IGSF21: variants seen among roughly 807,000 people sequenced by gnomAD.
IGSF21 encodes the protein immunoglobin superfamily member 21.
In IGSF21, 28 loss-of-function variants were observed where a neutral mutation model predicts 46.8. The ratio of observed to expected loss-of-function variants is 0.60; its 90% confidence interval spans 0.44 to 0.82. IGSF21 has a LOEUF of 0.82. Among genes scored for constraint, IGSF21 ranks in the 40% least tolerant of loss-of-function variants. IGSF21 has a pLI of 0.00. For missense variants in IGSF21, 624 were observed against 665.5 expected, an observed-to-expected ratio of 0.94 and a Z score of 0.69; for synonymous variants, 284 against 273.6, an observed-to-expected ratio of 1.04 and a Z score of -0.38.
At chr1:18,255,001 G>A (rs555407796) in intron 2 of IGSF21, among the ~76,000 whole-genome samples, 1 of 152,322 alleles carries the variant, frequency 6.6e-6, no homozygotes, top group South Asian at 2.1e-4. Context: ...AGTTCACACA[G>A]CCTATCTGCC....
At chr1:18,372,073 C>G (rs979621755) in intron 6 of IGSF21, among the ~76,000 whole-genome samples, 1 of 152,200 alleles carries the variant, frequency 6.6e-6, no homozygotes, top group Non-Finnish European at 1.5e-5. Context: ...CCACCTCAAC[C>G]AAACTCTGCG....
intron 3 of IGSF21, among the ~76,000 whole-genome samples, chr1:18,302,614 T>A (rs2124576766): frequency 6.6e-6 from 1 of 152,264 alleles, no homozygotes; most frequent in South Asian, 2.1e-4. Flanking sequence ...CACACAGGCT[T>A]GCACGGTGTT....
chr1:18,376,702 A>G, intron 7 of IGSF21, 98 bp from the exon 8 acceptor site: 1 of 1,185,368 alleles, frequency 8.4e-7, no homozygotes, highest in East Asian at 2.4e-5. Context: ...GTCGGATGAG[A>G]ATGCTGTGCC....
chr1:18,353,348 G>A (rs2085980511), intron 4 of IGSF21, among the ~76,000 whole-genome samples: 1 of 151,866 alleles, frequency 6.6e-6, no homozygotes, highest in South Asian at 2.1e-4. Context: ...CTTGGGCAGG[G>A]ATTGGAGGGA....
chr1:18,122,614 A>AT (rs1009410880), intron 1 of IGSF21, among the ~76,000 whole-genome samples: 4 of 132,924 alleles, frequency 3.0e-5, no homozygotes, highest in East Asian at 2.3e-4. Context: ...TTGACTGTCG[A>AT]TTTTTTTTCT....
At position 18,335,829 on chromosome 1, in the gene IGSF21, C is replaced by T. The variant is rs900228365; in HGVS notation, c.424+819C>T. The stretch of plus-strand genomic sequence containing the variant: ...GGGGAAATTGAAAACCTCCAAAGGC[C>T]AGACCTCCAGAGGGACATTGATTCC... On this transcript the variant is annotated intron_variant, in intron 4 of 9. Transcript: ENST00000251296. The surrounding 1 kb of genome is among the most constrained non-coding windows in gnomAD (Gnocchi z 4.8). Among the ~76,000 whole-genome samples, 4 of 152,194 alleles carry T rather than the reference C, an allele frequency of 2.6e-5. No homozygotes were observed. Among genetic ancestry groups the T allele is most frequent in the Admixed American group, 6.5e-5 (1 of 15,282 alleles).
chr1:18,282,642 A>G (rs1264503447), intron 2 of IGSF21, among the ~76,000 whole-genome samples: 3 of 149,146 alleles, frequency 2.0e-5, no homozygotes, highest in Non-Finnish European at 4.4e-5. Context: ...ACATACACAC[A>G]CACACACACA....
chr1:18,260,105 A>T (rs756996566), intron 2 of IGSF21, among the ~76,000 whole-genome samples: 1 of 152,230 alleles, frequency 6.6e-6, no homozygotes, highest in Non-Finnish European at 1.5e-5. Context: ...CACTTGGAAT[A>T]TTCTTAACAA....
intron 3 of IGSF21, among the ~76,000 whole-genome samples, chr1:18,315,218 G>C (rs911809373): frequency 1.3e-5 from 2 of 152,232 alleles, no homozygotes; most frequent in Non-Finnish European, 1.5e-5. Flanking sequence ...ATGCAACAGC[G>C]AGCTGAGAGT....
In IGSF21 at chr1:18,315,687, G is replaced by A. The variant is rs569747272; in HGVS notation, c.306-19205G>A. Among the ~76,000 whole-genome samples the A allele has an allele frequency of 5.9e-5, 9 of 151,788 alleles. No homozygotes were observed. In the East Asian group the frequency reaches 1.8e-3, roughly 30 times the overall value. ...ATGGAGAATGGATAGATGATGGATG[G>A]GTAGACAGTGAATGGATGGATGGTG... is the stretch of plus-strand genomic sequence containing the variant. On this transcript the variant is annotated intron_variant, in intron 3 of 9. Transcript: ENST00000251296.
intron 2 of IGSF21, among the ~76,000 whole-genome samples, chr1:18,288,008 C>T (rs2085232363): frequency 6.6e-6 from 1 of 152,132 alleles, no homozygotes; most frequent in Non-Finnish European, 1.5e-5. Flanking sequence ...CGTGAAAATA[C>T]CCCATGAGTG....
At chr1:18,345,599 G>A (rs1373567184) in intron 4 of IGSF21, among the ~76,000 whole-genome samples, 1 of 152,130 alleles carries the variant, frequency 6.6e-6, no homozygotes, top group Non-Finnish European at 1.5e-5. Context: ...GGCCAGGCTG[G>A]TCTTGAACTC....
chr1:18,208,397 T>TATATATATATATATATATATATATC (rs368652183), intron 1 of IGSF21, among the ~76,000 whole-genome samples: 1 of 92,586 alleles, frequency 1.1e-5, no homozygotes, highest in Non-Finnish European at 2.3e-5. Flanking sequence ...ATATATATAT[T>TATATATATATATATATATATATATC]TTTTGAGACG....
intron 4 of IGSF21, among the ~76,000 whole-genome samples, chr1:18,360,969 G>GT (rs1553166544): frequency 1.3e-5 from 2 of 151,948 alleles, no homozygotes; most frequent in Non-Finnish European, 2.9e-5. Context: ...CCCTTGCGAT[G>GT]CCCCACGGTG....
chr1:18,137,743 AC>A (rs1202496305), intron 1 of IGSF21, among the ~76,000 whole-genome samples: 1 of 152,102 alleles, frequency 6.6e-6, no homozygotes, highest in Non-Finnish European at 1.5e-5. Context: ...TCCTACCACA[AC>A]CCTTTGTGGT....
Position 18,369,396 on chromosome 1 carries a change from CAT to C in IGSF21, c.1015+3702_1015+3703del, listed in dbSNP as rs2086202164. 2.6e-5 allele frequency among the ~76,000 whole-genome samples: 4 copies of C among 152,196 alleles called. No individual in the cohort carries two copies. In the South Asian group the frequency reaches 8.3e-4, roughly 32 times the overall value. On this transcript the variant is annotated intron_variant, in intron 6 of 9. Transcript: ENST00000251296. ...CTGTGAGGCCGCTGAGAGTTGCTATCATATTATTCCCATCTGAGAGGTGAGGG... is the reference window on the plus strand; with the variant it reads ...CTGTGAGGCCGCTGAGAGTTGCTATCATTATTCCCATCTGAGAGGTGAGGG...
At chr1:18,359,749 C>T (rs548907695) in intron 4 of IGSF21, among the ~76,000 whole-genome samples, 1 of 152,294 alleles carries the variant, frequency 6.6e-6, no homozygotes, top group South Asian at 2.1e-4. Flanking sequence ...GTAACTAGAG[C>T]CACCCACAGC....
intron 1 of IGSF21, among the ~76,000 whole-genome samples, chr1:18,158,599 C>T (rs1044182671): frequency 3.3e-5 from 5 of 152,158 alleles, no homozygotes; most frequent in Admixed American, 6.5e-5. Flanking sequence ...GGGGTCATTC[C>T]TGGCATCCCT....
rs1275116912 is a variant in IGSF21 at position 18,359,378 on chromosome 1, GA to G, written c.425-2734del. Among the ~76,000 whole-genome samples the G allele has an allele frequency of 1.3e-3, 131 of 100,566 alleles. 1 individual carries two copies. Among genetic ancestry groups the G allele is most frequent in the African/African-American group, 5.1e-3 (122 of 23,738 alleles). 66.0% of individuals were successfully genotyped at this position (100,566 alleles called of 152,430 possible). A position where few individuals can be genotyped will look rare whatever the true frequency, so the allele number is the denominator to read the frequency against. ...AGAAAGAAAGAAAGAAAGAAAGAAA[GA>G]AAGAAAGGAAGGAAGGAAGGAAGGA... On this transcript the variant is annotated intron_variant, in intron 4 of 9. Coordinates refer to ENST00000251296, the MANE Select transcript of IGSF21 (RefSeq NM_032880.5).
Sources: allele counts gnomAD v4.1 joint callset (sites outside exome capture counted in the v4.1 genomes callset), GRCh38; gene constraint gnomAD v4.1.1; non-coding constraint Gnocchi (gnomAD v3.1); transcripts MANE v1.5; gene names NCBI Gene and HGNC (gene_info 2026-07-23, HGNC 2026-07-21).